The following HMGN5 variants were observed in gnomAD, a reference collection of about 807,000 sequenced individuals.
HMGN5 encodes high mobility group nucleosome binding domain 5, also known as high mobility group nucleosome-binding domain-containing protein 5.
Under a neutral mutation model 9.5 loss-of-function variants are expected in HMGN5, and 4 were observed. The ratio of observed to expected loss-of-function variants is 0.42; its 90% CI spans 0.21 to 0.96. The LOEUF is 0.96. Ranked by LOEUF, HMGN5 falls within the 40% of genes least tolerant of loss-of-function variation. The probability of loss-of-function intolerance (pLI) is 0.30; values close to 1 mark genes in which losing one functional copy is unlikely to be tolerated. For missense variants in HMGN5, 192 were observed against 187.5 expected (o/e 1.02, Z -0.14); for synonymous variants, 55 against 57.1 (o/e 0.96, Z 0.16).
intron 1 of HMGN5, among the ~76,000 whole-genome samples, chrX:81,158,781 G>A (rs1324297524): frequency 9.0e-6 from 1 of 111,441 alleles, no homozygotes; most frequent in Admixed American, 9.6e-5. Flanking sequence ...TTTCTTCTAG[G>A]GTTTTTATAG....
intron 1 of HMGN5, among the ~76,000 whole-genome samples, chrX:81,192,840 C>T (rs2075497665): frequency 9.0e-6 from 1 of 110,684 alleles, no homozygotes; most frequent in South Asian, 3.7e-4. Flanking sequence ...TGTCTTCTGC[C>T]TCTCATTTGT....
chrX:81,114,484 A>T lies in HMGN5; in HGVS notation c.*165T>A. The T allele has an allele frequency of 2.3e-6, 1 of 426,615 alleles. No individual in the cohort carries two copies. Among genetic ancestry groups the T allele is most frequent in the Non-Finnish European group, 3.6e-6 (1 of 281,666 alleles). The allele number at this position is 426,615 out of a possible 1,213,427, so 35.2% of individuals were successfully genotyped here. Reference sequence around the variant, plus strand: ...CACAAAATTTATAGATAAATGTTTCATGTTAGAAACTTTATGGCTAATAAT... The same window carrying T: ...CACAAAATTTATAGATAAATGTTTCTTGTTAGAAACTTTATGGCTAATAAT... On this transcript the variant is annotated 3_prime_UTR_variant, in exon 7 of 7. Coordinates refer to ENST00000358130, the MANE Select transcript of HMGN5 (RefSeq NM_030763.3).
intron 5 of HMGN5, among the ~76,000 whole-genome samples, chrX:81,117,097 GAA>G (rs2147534211): frequency 9.0e-6 from 1 of 110,694 alleles, no homozygotes; most frequent in African/African-American, 3.3e-5. Context: ...GAGAAAATGA[GAA>G]AACACATGAA....
intron 1 of HMGN5, among the ~76,000 whole-genome samples, chrX:81,121,906 A>C (rs2075270062): frequency 8.9e-6 from 1 of 112,702 alleles, no homozygotes; most frequent in Admixed American, 9.3e-5. Context: ...AGCAAGGGCT[A>C]AGCGATCAGG....
chrX:81,191,989 A>G (rs2075495471), intron 1 of HMGN5, among the ~76,000 whole-genome samples: 1 of 110,651 alleles, frequency 9.0e-6, no homozygotes, highest in African/African-American at 3.3e-5. Context: ...TTTTCTATAT[A>G]AGTAAAGTGT....
At position 81,116,257 on chromosome X, in the gene HMGN5, C is replaced by G. The variant is rs2075253213; in HGVS notation, c.214G>C (p.Val72Leu). The G allele has an allele frequency of 1.7e-6, 2 of 1,197,467 alleles. No homozygotes were observed. Among genetic ancestry groups the G allele is most frequent in the Non-Finnish European group, 2.3e-6 (2 of 883,176 alleles). The change falls in exon 6 of 7, where the codon GTT (valine) becomes CTT (leucine). Residue 72 changes from valine (V) to leucine (L), a missense_variant. Physicochemically the swap from Val to Leu is conservative, Grantham distance 32. Transcript: ENST00000358130. ...GCATTTTCATTGTAGTCTTCTTCAA[C>G]AACTGCTTCTTGCTTGGTTTCAGCA... ...AVAETKQEAV[V>L]EEDYNENAKN...
intron 1 of HMGN5, among the ~76,000 whole-genome samples, chrX:81,145,130 AT>A (rs768966545): frequency 8.9e-6 from 1 of 112,085 alleles, no homozygotes; most frequent in East Asian, 2.8e-4. Flanking sequence ...CAACATTCAA[AT>A]TCAGGAAATA....
At chrX:81,115,274 T>G (rs1330535692) in intron 6 of HMGN5, 44 bp from the exon 7 acceptor site, 3 of 1,092,258 alleles carry the variant, frequency 2.7e-6, no homozygotes, top group Non-Finnish European at 3.6e-6. Flanking sequence ...GTCTGTAAAT[T>G]TAGAACCATT....
intron 1 of HMGN5, among the ~76,000 whole-genome samples, chrX:81,138,206 TG>T (rs1462001143): frequency 2.7e-5 from 3 of 111,990 alleles, no homozygotes; most frequent in African/African-American, 6.5e-5. Flanking sequence ...GATAAAACTT[TG>T]GCAAACCTAA....
chrX:81,121,103 G>C (rs1331661499), intron 2 of HMGN5, among the ~76,000 whole-genome samples: 1 of 110,302 alleles, frequency 9.1e-6, no homozygotes, highest in African/African-American at 3.3e-5. Flanking sequence ...GAAGAACAAA[G>C]GCAAATACAG....
intron 1 of HMGN5, among the ~76,000 whole-genome samples, chrX:81,136,237 A>G (rs1282306504): frequency 8.9e-6 from 1 of 112,216 alleles, no homozygotes; most frequent in Non-Finnish European, 1.9e-5. Flanking sequence ...AAATGAGTGA[A>G]TTATATGGTA....
chrX:81,137,072 G>T (rs1256878577), intron 1 of HMGN5, among the ~76,000 whole-genome samples: 1 of 111,193 alleles, frequency 9.0e-6, no homozygotes, highest in African/African-American at 3.3e-5. Flanking sequence ...AGCAAAATCT[G>T]ATAGACCCAA....
chrX:81,196,593 G>A (rs920018249), intron 1 of HMGN5, among the ~76,000 whole-genome samples: 30 of 108,741 alleles, frequency 2.8e-4, no homozygotes, highest in Non-Finnish European at 3.6e-4. Flanking sequence ...TAGCTCTGTC[G>A]CCAGGCTGGA....
intron 2 of HMGN5, among the ~76,000 whole-genome samples, chrX:81,121,148 G>C (rs2075267154): frequency 9.1e-6 from 1 of 110,294 alleles, no homozygotes. Context: ...CAGACGGGAC[G>C]GTTCCCCGAG....
At chrX:81,133,886 A>G (rs1011182872) in intron 1 of HMGN5, among the ~76,000 whole-genome samples, 2 of 111,922 alleles carry the variant, frequency 1.8e-5, no homozygotes, top group Non-Finnish European at 3.8e-5. Context: ...TTATCTTTTT[A>G]ACTTGATAGC....
At chrX:81,116,398 T>G in intron 5 of HMGN5, 57 bp from the exon 6 acceptor site, 1 of 822,682 alleles carries the variant, frequency 1.2e-6, no homozygotes, top group Non-Finnish European at 1.7e-6. Context: ...CTGTGTTGAT[T>G]AAATGGTCAC....
chrX:81,158,130 G>C (rs774271815), intron 1 of HMGN5, among the ~76,000 whole-genome samples: 5 of 111,805 alleles, frequency 4.5e-5, no homozygotes, highest in Non-Finnish European at 7.5e-5. Flanking sequence ...ATGTGCAAAT[G>C]TTGTGTCCTG....
At chrX:81,119,849 G>C (rs1295143418) in intron 2 of HMGN5, 32 bp from the exon 3 acceptor site, 3 of 1,151,064 alleles carry the variant, frequency 2.6e-6, no homozygotes, top group Admixed American at 4.4e-5. Context: ...ACAGAAATAA[G>C]GTCATTGATA....
intron 1 of HMGN5, among the ~76,000 whole-genome samples, chrX:81,159,950 A>T (rs1382725622): frequency 4.5e-5 from 5 of 112,288 alleles, no homozygotes; most frequent in Non-Finnish European, 9.4e-5. Context: ...TGTAGATATA[A>T]TTTATTGACA....
Sources: allele counts gnomAD v4.1 joint callset (sites outside exome capture counted in the v4.1 genomes callset), GRCh38; gene constraint gnomAD v4.1.1; transcripts MANE v1.5; gene names NCBI Gene and HGNC (gene_info 2026-07-23, HGNC 2026-07-21).